ALMS1: variants seen among roughly 807,000 people sequenced by gnomAD.
The protein encoded by ALMS1 is ALMS1 centrosome and basal body associated protein, also known as centrosome-associated protein ALMS1.
ALMS1 carries 271 observed loss-of-function variants against 352.2 expected under a neutral mutation model. The ratio of observed to expected loss-of-function variants is 0.77; its 90% CI spans 0.70 to 0.85. The LOEUF is 0.85. Among genes scored for constraint, ALMS1 ranks in the 40% least tolerant of loss-of-function variants. The pLI is 0.00. For synonymous variants in ALMS1, 1,865 were observed against 1,761.2 expected (o/e 1.06, Z -1.48); for missense variants, 5,445 against 4,870.7 (o/e 1.12, Z -3.51).
chr2:73,558,854 C>A, intron 14 of ALMS1, 118 bp from the exon 15 acceptor site: 2 of 1,113,648 alleles, frequency 1.8e-6, no homozygotes, highest in Non-Finnish European at 2.6e-6. Context: ...ATTTCTGAGT[C>A]ATCTTTTTTC....
At chr2:73,542,454 A>G (rs971826074) in intron 12 of ALMS1, among the ~76,000 whole-genome samples, 3 of 152,172 alleles carry the variant, frequency 2.0e-5, no homozygotes, top group African/African-American at 2.4e-5. Flanking sequence ...AAACTGGCAC[A>G]AGACAGGGAT....
At chr2:73,521,635 A>G (rs1673682192) in intron 11 of ALMS1, among the ~76,000 whole-genome samples, 1 of 150,588 alleles carries the variant, frequency 6.6e-6, no homozygotes, top group Non-Finnish European at 1.5e-5. Flanking sequence ...CTGTAGTCCC[A>G]GCTACTTGGG....
chr2:73,548,108 C>G (rs1674358523), intron 12 of ALMS1, among the ~76,000 whole-genome samples: 1 of 152,072 alleles, frequency 6.6e-6, no homozygotes, highest in Admixed American at 6.6e-5. Flanking sequence ...AAATGAGATT[C>G]CTATTATACA....
At chr2:73,421,383 G>A (rs1182749590) in intron 3 of ALMS1, among the ~76,000 whole-genome samples, 3 of 152,094 alleles carry the variant, frequency 2.0e-5, no homozygotes, top group African/African-American at 4.8e-5. Context: ...CCCCCTTGTA[G>A]CATCAGCTCT....
At chr2:73,522,935 G>C (rs189791255) in intron 11 of ALMS1, among the ~76,000 whole-genome samples, 1 of 152,200 alleles carries the variant, frequency 6.6e-6, no homozygotes, top group African/African-American at 2.4e-5. Flanking sequence ...CACTCTGTAA[G>C]CTGCTCTATG....
At chr2:73,498,513 G>T (rs1364913211) in intron 10 of ALMS1, among the ~76,000 whole-genome samples, 1 of 150,090 alleles carries the variant, frequency 6.7e-6, no homozygotes, top group Non-Finnish European at 1.5e-5. Context: ...TTTCTATTTT[G>T]TGTGTGTGTG....
intron 10 of ALMS1, among the ~76,000 whole-genome samples, chr2:73,505,349 G>A (rs950880286): frequency 1.3e-5 from 2 of 152,178 alleles, no homozygotes; most frequent in African/African-American, 4.8e-5. Context: ...CAGCATAAAA[G>A]CATTCTTGTT....
Position 73,592,975 on chromosome 2 carries a change from G to A in ALMS1, c.11548-6426G>A, listed in dbSNP as rs553848030. On this transcript the variant is annotated intron_variant, in intron 16 of 22. Coordinates refer to ENST00000613296, the MANE Select transcript of ALMS1 (RefSeq NM_001378454.1). ...AGCATATATTTCCTTCCAAGATTGTGTACAAGAGAAAGCCTAACCCATGGT... is the reference window on the plus strand; with the variant it reads ...AGCATATATTTCCTTCCAAGATTGTATACAAGAGAAAGCCTAACCCATGGT... Among the ~76,000 whole-genome samples, 70 of 152,196 alleles carry A rather than the reference G, an allele frequency of 4.6e-4. No individual in the cohort carries two copies. The South Asian group carries it at 6.5e-3, about 14-fold the overall frequency.
At chr2:73,480,996 G>A (rs1672690619) in intron 9 of ALMS1, among the ~76,000 whole-genome samples, 1 of 150,202 alleles carries the variant, frequency 6.7e-6, no homozygotes, top group South Asian at 2.1e-4. Context: ...AGATGAGTAG[G>A]TTGCGAAAAT....
At chr2:73,547,828 G>T (rs1193863004) in intron 12 of ALMS1, among the ~76,000 whole-genome samples, 2 of 152,222 alleles carry the variant, frequency 1.3e-5, no homozygotes, top group Non-Finnish European at 2.9e-5. Flanking sequence ...CAGTTAGTTA[G>T]AAGGCTGTTG....
intron 12 of ALMS1, among the ~76,000 whole-genome samples, chr2:73,537,814 C>G (rs1356118670): frequency 6.6e-6 from 1 of 152,012 alleles, no homozygotes; most frequent in African/African-American, 2.4e-5. Context: ...TGAGATCAGC[C>G]TGGGCAATGT....
intron 16 of ALMS1, 103 bp from the exon 17 acceptor site, chr2:73,599,298 G>GTT: frequency 6.8e-7 from 1 of 1,468,736 alleles, no homozygotes; most frequent in Admixed American, 1.7e-5. Context: ...CATCTCAACA[G>GTT]TTTGAATTGG....
intron 13 of ALMS1, among the ~76,000 whole-genome samples, chr2:73,551,423 A>ACCTTTTTTTTTTTTTTTTTTTTTTTTTT: frequency 8.9e-6 from 1 of 112,436 alleles, no homozygotes; most frequent in Admixed American, 9.5e-5. Context: ...TTGAGTTTCA[A>ACCTTTTTTTTTTTTTTTTTTTTTTTTTT]TCTTTTTTTT....
At chr2:73,515,791 A>G (rs1470432496) in intron 10 of ALMS1, among the ~76,000 whole-genome samples, 1 of 151,722 alleles carries the variant, frequency 6.6e-6, no homozygotes, top group Non-Finnish European at 1.5e-5. Context: ...ACACACACAC[A>G]CACACACACA....
At position 73,554,750 on chromosome 2, in the gene ALMS1, C is replaced by T. The variant is rs866084390; in HGVS notation, c.10079-2470C>T. Among the ~76,000 whole-genome samples, 5 of 152,050 alleles carry T rather than the reference C, an allele frequency of 3.3e-5. No individual in the cohort carries two copies. In the Middle Eastern group the frequency reaches 0.014, roughly 414 times the overall value. On this transcript the variant is annotated intron_variant, in intron 13 of 22. Coordinates refer to ENST00000613296, the MANE Select transcript of ALMS1 (RefSeq NM_001378454.1). ...GAGATGGAAGGAAGAATGAGGGGAG[C>T]GTGTAAGTTTCTAGCCAGATTTTAT...
intron 12 of ALMS1, among the ~76,000 whole-genome samples, chr2:73,549,140 C>T (rs1674378375): frequency 2.6e-5 from 4 of 152,156 alleles, no homozygotes; most frequent in Admixed American, 2.6e-4. Context: ...AAAATCATCT[C>T]ATAGGAGATT....
At chr2:73,503,688 T>C (rs972618516) in intron 10 of ALMS1, among the ~76,000 whole-genome samples, 3 of 152,182 alleles carry the variant, frequency 2.0e-5, no homozygotes, top group African/African-American at 7.2e-5. Context: ...ACTTCCACAA[T>C]GGTTGAACTA....
At chr2:73,458,199 A>G (rs763413563) in intron 9 of ALMS1, 2 of 151,994 alleles carry the variant, frequency 1.3e-5, no homozygotes, top group Non-Finnish European at 2.9e-5. Context: ...GTTTGTCTAG[A>G]TATGCCTTGT....
intron 13 of ALMS1, among the ~76,000 whole-genome samples, chr2:73,551,416 A>C (rs1018879006): frequency 1.0e-5 from 1 of 97,864 alleles, no homozygotes; most frequent in Non-Finnish European, 2.0e-5. Context: ...TGGGTATTTG[A>C]GTTTCAATCT....
Sources: gnomAD v4.1 joint callset for allele counts (sites outside exome capture counted in the v4.1 genomes callset) on GRCh38, gnomAD v4.1.1 for gene constraint, MANE v1.5 for transcripts, NCBI Gene and HGNC (gene_info 2026-07-23, HGNC 2026-07-21) for gene names.